Variants in LDB2 observed in about 807,000 individuals in gnomAD.
LDB2 encodes the protein LIM domain binding 2.
Under a neutral mutation model 44.3 loss-of-function variants are expected in LDB2, and 12 were observed. The observed-to-expected ratio is 0.27, with a 90% CI of 0.17 to 0.44. The LOEUF (loss-of-function observed/expected upper bound fraction) is 0.44. Among genes scored for constraint, LDB2 ranks in the 20% least tolerant of loss-of-function variants. The pLI is 1.00. For missense variants in LDB2, 344 were observed against 473.5 expected, an observed-to-expected ratio of 0.73 and a Z score of 2.54; for synonymous variants, 164 against 174.8, an observed-to-expected ratio of 0.94 and a Z score of 0.49.
chr4:16,743,002 TG>T (rs1763643959), intron 2 of LDB2, among the ~76,000 whole-genome samples: 1 of 152,126 alleles, frequency 6.6e-6, no homozygotes, highest in Non-Finnish European at 1.5e-5. Flanking sequence ...TGAAGATGCT[TG>T]TCAGGGCCAG....
chr4:16,844,645 C>T (rs942240314), intron 1 of LDB2, among the ~76,000 whole-genome samples: 2 of 152,164 alleles, frequency 1.3e-5, no homozygotes, highest in Admixed American at 6.5e-5. Context: ...TTTACAAGAA[C>T]AATCCCCATG....
intron 1 of LDB2, among the ~76,000 whole-genome samples, chr4:16,865,151 C>G (rs1219070604): frequency 6.6e-6 from 1 of 152,078 alleles, no homozygotes; most frequent in African/African-American, 2.4e-5. Flanking sequence ...CCTAGGGAGG[C>G]TGAGGCAAGA....
chr4:16,531,252 C>A (rs13110612), intron 5 of LDB2, among the ~76,000 whole-genome samples: 17,385 of 152,266 alleles, frequency 0.11, 1,049 homozygotes, highest in East Asian at 0.26. Context: ...GCTGATTAAA[C>A]AGCATGTTGC....
chr4:16,518,438 T>C (rs2152266212), intron 5 of LDB2, among the ~76,000 whole-genome samples: 1 of 152,254 alleles, frequency 6.6e-6, no homozygotes. Flanking sequence ...TGTAGGTCTC[T>C]TCAGAGTTGC....
At chr4:16,762,187 C>A (rs923044659) in intron 1 of LDB2, among the ~76,000 whole-genome samples, 1 of 151,908 alleles carries the variant, frequency 6.6e-6, no homozygotes, top group East Asian at 1.9e-4. Context: ...CAGAGTGAGA[C>A]CTGGTCTCAA....
intron 1 of LDB2, among the ~76,000 whole-genome samples, chr4:16,821,612 A>ATC (rs1174153089): frequency 1.3e-5 from 2 of 151,028 alleles, no homozygotes; most frequent in East Asian, 3.9e-4. Context: ...GATGGTCTCA[A>ATC]TCTCCTAATC....
At chr4:16,871,621 C>CT (rs369989468) in intron 1 of LDB2, among the ~76,000 whole-genome samples, 63,039 of 124,402 alleles carry the variant, frequency 0.51, 15,628 homozygotes, top group South Asian at 0.64. Context: ...ACCACTCTTT[C>CT]TTTTTTTTTT....
intron 2 of LDB2, among the ~76,000 whole-genome samples, chr4:16,694,653 G>A (rs1295896532): frequency 1.3e-5 from 2 of 152,178 alleles, no homozygotes; most frequent in East Asian, 3.9e-4. Flanking sequence ...TGGGGTGTGT[G>A]CGGGCTCTGG....
Position 16,533,945 on chromosome 4 carries a change from CATA to C in LDB2, c.616-21844_616-21842del, listed in dbSNP as rs1344335807. On this transcript the variant is annotated intron_variant, in intron 5 of 7. Transcript: ENST00000304523. The surrounding 1 kb of genome is among the most constrained non-coding windows in gnomAD (Gnocchi z 4.1). ...CATTAATAATACTCTAAACCACATT[CATA>C]ATAATATAATTAGCAATACAATTCA... Among the ~76,000 whole-genome samples the C allele has an allele frequency of 6.6e-6, 1 of 152,138 alleles. No individual in the cohort carries two copies. The highest frequency in any genetic ancestry group is 1.5e-5 in the Non-Finnish European group (1 of 68,034).
chr4:16,542,895 G>A (rs1323299639), intron 5 of LDB2, among the ~76,000 whole-genome samples: 4 of 151,096 alleles, frequency 2.6e-5, no homozygotes, highest in Non-Finnish European at 4.4e-5. Context: ...ATTTATATTA[G>A]GTATATCTCC....
intron 1 of LDB2, among the ~76,000 whole-genome samples, chr4:16,769,603 ATTT>A (rs58284488): frequency 7.3e-6 from 1 of 137,004 alleles, no homozygotes; most frequent in African/African-American, 2.7e-5. Flanking sequence ...GCCCTATGGG[ATTT>A]TTTTTTTTTT....
At chr4:16,538,987 C>T (rs1243226022) in intron 5 of LDB2, among the ~76,000 whole-genome samples, 1 of 152,224 alleles carries the variant, frequency 6.6e-6, no homozygotes, top group East Asian at 1.9e-4. Context: ...AAGTCCTGAT[C>T]CTGTACTACT....
chr4:16,654,395 G>C (rs756825084), intron 2 of LDB2, among the ~76,000 whole-genome samples: 1 of 152,168 alleles, frequency 6.6e-6, no homozygotes, highest in Non-Finnish European at 1.5e-5. Context: ...GAGTGTGGAA[G>C]GGCACTGGAG....
At chr4:16,898,223 G>A in intron 1 of LDB2, 131 bp downstream of exon 1, 1 of 838,098 alleles carries the variant, frequency 1.2e-6, no homozygotes, top group East Asian at 2.7e-5. Flanking sequence ...ATTCATCCTG[G>A]CGCTCATTTC....
In LDB2 at chr4:16,542,110, G is replaced by GGA. The variant is rs1553889228; in HGVS notation, c.616-30007_616-30006insTC. Among the ~76,000 whole-genome samples the GGA allele has an allele frequency of 4.2e-5, 6 of 144,096 alleles. No individual in the cohort carries two copies. The East Asian group carries it at 9.9e-4, about 24-fold the overall frequency. The allele number at this position is 144,096 out of a possible 152,430, so 94.5% of individuals were successfully genotyped here. On this transcript the variant is annotated intron_variant, in intron 5 of 7. Transcript: ENST00000304523. ...CAATTACATCAGGTGGTGGGGGGGG[G>GGA]GGCGCGAGCAGGAGGGCATAAGAAG...
intron 1 of LDB2, among the ~76,000 whole-genome samples, chr4:16,774,153 C>CA (rs35866468): frequency 0.05 from 2,756 of 55,366 alleles, 63 homozygotes; most frequent in African/African-American, 0.095. Flanking sequence ...GACTCCGTCT[C>CA]AAAAAAAAAA....
At chr4:16,631,078 G>A (rs1195545547) in intron 2 of LDB2, among the ~76,000 whole-genome samples, 1 of 152,144 alleles carries the variant, frequency 6.6e-6, no homozygotes, top group East Asian at 1.9e-4. Context: ...TCTGGACCAA[G>A]TGGACATGAT....
intron 5 of LDB2, among the ~76,000 whole-genome samples, chr4:16,583,316 G>T (rs887111098): frequency 5.3e-5 from 8 of 152,128 alleles, no homozygotes; most frequent in Non-Finnish European, 1.0e-4. Flanking sequence ...AAAACAGGAC[G>T]CATCAGTTTT....
chr4:16,793,382 T>C (rs1183839936), intron 1 of LDB2, among the ~76,000 whole-genome samples: 2 of 152,114 alleles, frequency 1.3e-5, no homozygotes, highest in East Asian at 3.9e-4. Context: ...CAGTGTTCCT[T>C]CAGGTGGTAT....
Sources: gnomAD v4.1 joint callset for allele counts (sites outside exome capture counted in the v4.1 genomes callset) on GRCh38, gnomAD v4.1.1 for gene constraint, Gnocchi (gnomAD v3.1) non-coding constraint, MANE v1.5 for transcripts, NCBI Gene and HGNC (gene_info 2026-07-23, HGNC 2026-07-21) for gene names.